TRIM37: variants seen among roughly 807,000 people sequenced by gnomAD.
The protein encoded by TRIM37 is tripartite motif containing 37.
A neutral mutation model predicts 129.8 loss-of-function variants in TRIM37; 80 were observed. That is an observed-to-expected ratio of 0.62 (90% confidence interval 0.51 to 0.74). TRIM37 has a LOEUF of 0.74. Ranked by LOEUF, TRIM37 falls within the 30% of genes least tolerant of loss-of-function variation. The pLI is 0.00. For missense variants in TRIM37, 1,054 were observed against 1,176.5 expected (o/e 0.90, Z 1.52); for synonymous variants, 389 against 387.1 (o/e 1.00, Z -0.06).
At chr17:59,104,263 T>C (rs2045791931) in intron 2 of TRIM37, 30 bp downstream of exon 2, 1 of 1,553,444 alleles carries the variant, frequency 6.4e-7, no homozygotes, top group African/African-American at 1.4e-5. Flanking sequence ...CTATATATAC[T>C]AACTGCATGT....
intron 17 of TRIM37, among the ~76,000 whole-genome samples, chr17:59,034,125 C>A (rs978247867): frequency 6.6e-6 from 1 of 151,128 alleles, no homozygotes; most frequent in African/African-American, 2.4e-5. Flanking sequence ...AAAAAGGATA[C>A]GGAGGTGAGA....
chr17:58,972,818 G>T, the TRIM37 span: 1 of 1,602,864 alleles, frequency 6.2e-7, no homozygotes, highest in Middle Eastern at 1.7e-4. Flanking sequence ...TCTTTTTATT[G>T]CATTGCTGTT....
At chr17:59,003,922 T>A (rs75003691) in intron 22 of TRIM37, among the ~76,000 whole-genome samples, 151 of 89,504 alleles carry the variant, frequency 1.7e-3, no homozygotes, top group East Asian at 2.4e-3. Context: ...CCCATCTCTA[T>A]AAAAAAAAAA....
chr17:59,088,726 C>A (rs1207944020), intron 3 of TRIM37, among the ~76,000 whole-genome samples: 2 of 151,826 alleles, frequency 1.3e-5, no homozygotes, highest in Non-Finnish European at 2.9e-5. Flanking sequence ...CTATATTTCC[C>A]AGGCTGGTCT....
chr17:58,976,621 A>G, the TRIM37 span, among the ~76,000 whole-genome samples: 1 of 152,178 alleles, frequency 6.6e-6, no homozygotes. Context: ...ACATATGGAG[A>G]GAAGAGGTTG....
intron 16 of TRIM37, among the ~76,000 whole-genome samples, chr17:59,046,592 C>T (rs1253166846): frequency 1.3e-5 from 2 of 149,668 alleles, no homozygotes; most frequent in Admixed American, 6.7e-5. Flanking sequence ...GCTGGAGTGC[C>T]GTGGCGTGAT....
chr17:59,001,376 C>A (rs2033730701), intron 23 of TRIM37, among the ~76,000 whole-genome samples: 4 of 150,886 alleles, frequency 2.7e-5, no homozygotes, highest in African/African-American at 9.8e-5. Flanking sequence ...GCAACCAAGC[C>A]AAATATTACT....
At chr17:59,063,303 C>G (rs1019954659) in intron 10 of TRIM37, among the ~76,000 whole-genome samples, 1 of 152,100 alleles carries the variant, frequency 6.6e-6, no homozygotes, top group Non-Finnish European at 1.5e-5. Context: ...CCTCAGCCTC[C>G]CAAGTAGCTG....
intron 2 of TRIM37, among the ~76,000 whole-genome samples, chr17:59,094,058 A>C (rs73319239): frequency 0.011 from 1,612 of 152,048 alleles, 33 homozygotes; most frequent in African/African-American, 0.036. Context: ...CCACACCCAG[A>C]TGGTTTTCGT....
intron 22 of TRIM37, among the ~76,000 whole-genome samples, chr17:59,009,958 C>A (rs2035050678): frequency 6.6e-6 from 1 of 152,138 alleles, no homozygotes; most frequent in Admixed American, 6.6e-5. Context: ...TGCCTATAAA[C>A]CTTATCACAG....
intron 2 of TRIM37, among the ~76,000 whole-genome samples, chr17:59,095,561 G>C (rs1163720650): frequency 1.3e-5 from 2 of 152,154 alleles, no homozygotes; most frequent in Non-Finnish European, 2.9e-5. Flanking sequence ...GTTAACAAAG[G>C]ACTTTTATTC....
chr17:58,993,557 T>C (rs1013260584), downstream of TRIM37, among the ~76,000 whole-genome samples: 1 of 152,168 alleles, frequency 6.6e-6, no homozygotes, highest in Admixed American at 6.5e-5. Flanking sequence ...TTTACATGAC[T>C]CTGGAAAAGC....
At chr17:59,043,935 G>A (rs1413709778) in intron 16 of TRIM37, among the ~76,000 whole-genome samples, 1 of 152,140 alleles carries the variant, frequency 6.6e-6, no homozygotes, top group Non-Finnish European at 1.5e-5. Context: ...GAGCATCAAC[G>A]AAATATAGTT....
At chr17:58,967,521 G>T in the TRIM37 span, among the ~76,000 whole-genome samples, 37,490 of 138,128 alleles carry the variant, frequency 0.27, 4,716 homozygotes, top group East Asian at 0.38. Context: ...TATATATATA[G>T]AGAGAGAGAG....
chr17:59,038,163 T>C (rs2038767150), intron 17 of TRIM37, among the ~76,000 whole-genome samples: 1 of 152,196 alleles, frequency 6.6e-6, no homozygotes, highest in Non-Finnish European at 1.5e-5. Flanking sequence ...TGTTTCCCCC[T>C]TTTGAAACTG....
At chr17:59,069,589 G>A (rs2042195694) in intron 9 of TRIM37, among the ~76,000 whole-genome samples, 1 of 152,064 alleles carries the variant, frequency 6.6e-6, no homozygotes, top group Admixed American at 6.6e-5. Flanking sequence ...ATGTTTATCT[G>A]AAGCAGTGGC....
intron 9 of TRIM37, among the ~76,000 whole-genome samples, chr17:59,069,693 C>A (rs1342050821): frequency 6.6e-6 from 1 of 152,134 alleles, no homozygotes; most frequent in Non-Finnish European, 1.5e-5. Context: ...AATTGTGTCT[C>A]CCCAAATTCC....
downstream of TRIM37, among the ~76,000 whole-genome samples, chr17:58,978,374 C>G (rs2031149258): frequency 6.6e-6 from 1 of 152,122 alleles, no homozygotes; most frequent in Non-Finnish European, 1.5e-5. Flanking sequence ...GGAATTATTG[C>G]TCAGTACCCT....
chr17:59,007,548 T>C (rs1227188715), intron 22 of TRIM37, among the ~76,000 whole-genome samples: 1 of 152,100 alleles, frequency 6.6e-6, no homozygotes, highest in Non-Finnish European at 1.5e-5. Flanking sequence ...GAAGGGGGTA[T>C]GTGCTACTTC....
Sources: allele counts gnomAD v4.1 joint callset (sites outside exome capture counted in the v4.1 genomes callset), GRCh38; gene constraint gnomAD v4.1.1; transcripts MANE v1.5; gene names NCBI Gene and HGNC (gene_info 2026-07-23, HGNC 2026-07-21).